CDS1: variants seen among roughly 807,000 people sequenced by gnomAD.
The protein encoded by CDS1 is phosphatidate cytidylyltransferase 1.
Under a neutral mutation model 62.1 loss-of-function variants are expected in CDS1, and 41 were observed. The ratio of observed to expected loss-of-function variants is 0.66; its 90% CI spans 0.51 to 0.86. The LOEUF is 0.86. Among genes scored for constraint, CDS1 ranks in the 40% least tolerant of loss-of-function variants. The probability of loss-of-function intolerance (pLI) is 0.00; values close to 1 mark genes in which losing one functional copy is unlikely to be tolerated. For synonymous variants in CDS1, 185 were observed against 192.6 expected, an observed-to-expected ratio of 0.96 and a Z score of 0.32; for missense variants, 470 against 550.1, an observed-to-expected ratio of 0.85 and a Z score of 1.46.
intron 11 of CDS1, among the ~76,000 whole-genome samples, chr4:84,644,415 T>C (rs896547013): frequency 6.6e-6 from 1 of 152,304 alleles, no homozygotes; most frequent in African/African-American, 2.4e-5. Flanking sequence ...CCAAAGACTT[T>C]TTCAGTAATT....
At chr4:84,645,789 GAAGA>G (rs1422182123) in intron 12 of CDS1, among the ~76,000 whole-genome samples, 1 of 152,166 alleles carries the variant, frequency 6.6e-6, no homozygotes, top group Non-Finnish European at 1.5e-5. Context: ...TTTGGAAGTT[GAAGA>G]AAGAATGATG....
chr4:84,583,486 G>A lies in CDS1; in HGVS notation c.85G>A (p.Gly29Ser), dbSNP rs1314437716. The change falls in exon 1 of 13, where the codon GGC (glycine) becomes AGC (serine). Residue 29 changes from glycine (G) to serine (S), a missense_variant. By Grantham distance (56) the Gly-to-Ser change is moderately conservative (BLOSUM62 0). Around this residue, in one of 5 missense-constraint regions of CDS1, gnomAD observed 150 missense variants for 142.0 expected, o/e 1.06. Coordinates refer to ENST00000295887, the MANE Select transcript of CDS1 (RefSeq NM_001263.4). ...ACACCGCGAGGGAGAGGCGGCCGGC[G>A]GCGACCACGAAACCGAGAGCACCAG... ...PPHREGEAAG[G>S]DHETESTSDK... 1 of 1,553,690 alleles carries A rather than the reference G, an allele frequency of 6.4e-7. No individual in the cohort carries two copies.
rs972663061 is a variant in CDS1 at position 84,641,055 on chromosome 4, A to ATTAT, written c.1032+81_1032+84dup. Reference sequence around the variant, plus strand: ...CCACTCTGAAGATTAAGCTTCCTTTATTATTTATTTATTTATTTAATTAAT... The same window carrying ATTAT: ...CCACTCTGAAGATTAAGCTTCCTTTATTATTTATTTATTTATTTATTTAATTAAT... On this transcript the variant is annotated intron_variant, in intron 10 of 12. Transcript: ENST00000295887. 50 of 993,004 alleles carry ATTAT rather than the reference A, an allele frequency of 5.0e-5. No homozygotes were observed. In the Middle Eastern group the frequency reaches 7.7e-4, roughly 15 times the overall value. 61.5% of individuals were successfully genotyped at this position (993,004 alleles called of 1,614,324 possible).
At chr4:84,646,424 G>T (rs1245661628) in intron 12 of CDS1, among the ~76,000 whole-genome samples, 1 of 151,216 alleles carries the variant, frequency 6.6e-6, no homozygotes, top group Non-Finnish European at 1.5e-5. Flanking sequence ...TTGATTTTTA[G>T]CCTTCTTATC....
At chr4:84,635,673 T>G (rs1724178227) in intron 8 of CDS1, among the ~76,000 whole-genome samples, 3 of 128,528 alleles carry the variant, frequency 2.3e-5, no homozygotes, top group African/African-American at 9.3e-5. Context: ...CTTCCTTCCT[T>G]CCTTCCTTCC....
rs1724627117 is a variant in CDS1 at position 84,648,752 on chromosome 4, T to C, written c.*66T>C. The stretch of plus-strand genomic sequence containing the variant: ...CAGAAAAACACTGACAGATGTTTTA[T>C]AAATTGTACAGAAAAATAGTTAAAA... On this transcript the variant is annotated 3_prime_UTR_variant, in exon 13 of 13. Coordinates refer to ENST00000295887, the MANE Select transcript of CDS1 (RefSeq NM_001263.4). The C allele has an allele frequency of 6.8e-7, 1 of 1,481,204 alleles. No individual in the cohort carries two copies. The highest frequency in any genetic ancestry group is 9.2e-7 in the Non-Finnish European group (1 of 1,092,616). The allele number at this position is 1,481,204 out of a possible 1,614,324, so 91.8% of individuals were successfully genotyped here.
chr4:84,607,883 C>T (rs184470270), intron 2 of CDS1, among the ~76,000 whole-genome samples: 24 of 152,216 alleles, frequency 1.6e-4, no homozygotes, highest in Admixed American at 3.9e-4. Flanking sequence ...AGAAAAACAG[C>T]GACAATTCTA....
At chr4:84,635,616 TGCCTGCCTGCC>T (rs1560481504) in intron 8 of CDS1, among the ~76,000 whole-genome samples, 53 of 106,016 alleles carry the variant, frequency 5.0e-4, no homozygotes, top group South Asian at 2.3e-3. Flanking sequence ...CCTGCCTGCC[TGCCTGCCTGCC>T]TTCCTTCCTT....
chr4:84,628,971 A>C (rs1723937817), intron 5 of CDS1, among the ~76,000 whole-genome samples: 1 of 152,218 alleles, frequency 6.6e-6, no homozygotes, highest in African/African-American at 2.4e-5. Context: ...AATACTATGT[A>C]GATAAATGAT....
chr4:84,616,850 A>T (rs1000776984), intron 3 of CDS1, among the ~76,000 whole-genome samples: 3 of 152,212 alleles, frequency 2.0e-5, no homozygotes, highest in African/African-American at 4.8e-5. Flanking sequence ...TCAAAAAGGG[A>T]TTTATAAATC....
At chr4:84,647,896 A>G (rs1439519004) in intron 12 of CDS1, among the ~76,000 whole-genome samples, 3 of 152,204 alleles carry the variant, frequency 2.0e-5, no homozygotes, top group African/African-American at 2.4e-5. Flanking sequence ...TTAGAATTCT[A>G]TGCCATCTCT....
At chr4:84,592,470 G>A (rs1237274645) in intron 1 of CDS1, among the ~76,000 whole-genome samples, 1 of 152,112 alleles carries the variant, frequency 6.6e-6, no homozygotes, top group Non-Finnish European at 1.5e-5. Flanking sequence ...ACTGTGCCCA[G>A]CCAACCAATT....
chr4:84,620,060 GT>G, intron 5 of CDS1, among the ~76,000 whole-genome samples: 1 of 148,160 alleles, frequency 6.7e-6, no homozygotes, highest in Admixed American at 6.7e-5. Context: ...CACTCCATAT[GT>G]TTGAAAATTT....
intron 5 of CDS1, among the ~76,000 whole-genome samples, chr4:84,626,758 T>G (rs974191436): frequency 5.3e-5 from 8 of 152,210 alleles, no homozygotes; most frequent in African/African-American, 1.4e-4. Context: ...CCTCTCTTGT[T>G]TATTTAATTC....
chr4:84,617,733 A>G (rs1258140176), intron 4 of CDS1, 72 bp downstream of exon 4: 2 of 696,018 alleles, frequency 2.9e-6, no homozygotes, highest in African/African-American at 1.8e-5. Context: ...CGTCTTGATC[A>G]GTCAGTATCC....
chr4:84,616,142 T>A (rs1356845326), intron 3 of CDS1, among the ~76,000 whole-genome samples: 1 of 152,152 alleles, frequency 6.6e-6, no homozygotes, highest in African/African-American at 2.4e-5. Context: ...TGCTTTACCG[T>A]TTTATCTTAA....
chr4:84,600,691 A>G (rs1722909446), intron 1 of CDS1, among the ~76,000 whole-genome samples: 1 of 152,326 alleles, frequency 6.6e-6, no homozygotes, highest in African/African-American at 2.4e-5. Context: ...CAGTAGCTTT[A>G]TAAGAACTCT....
chr4:84,591,634 T>A (rs1722593649), intron 1 of CDS1, among the ~76,000 whole-genome samples: 1 of 152,188 alleles, frequency 6.6e-6, no homozygotes, highest in Admixed American at 6.5e-5. Context: ...TTAATATCAA[T>A]TTTAGTCTTT....
intron 5 of CDS1, among the ~76,000 whole-genome samples, chr4:84,630,007 T>C (rs1384910857): frequency 6.6e-6 from 1 of 152,062 alleles, no homozygotes; most frequent in African/African-American, 2.4e-5. Context: ...ACAGAAAACA[T>C]GGTTTCTGTC....
Sources: gnomAD v4.1 joint callset for allele counts (sites outside exome capture counted in the v4.1 genomes callset) on GRCh38, gnomAD v4.1.1 for gene constraint, gnomAD v4.1.1 regional missense constraint, MANE v1.5 for transcripts, NCBI Gene and HGNC (gene_info 2026-07-23, HGNC 2026-07-21) for gene names.